HCN1: variants seen among roughly 807,000 people sequenced by gnomAD.
HCN1 encodes potassium/sodium hyperpolarization-activated cyclic nucleotide-gated channel 1.
HCN1 carries 13 observed loss-of-function variants against 78.9 expected under a neutral mutation model. The observed-to-expected ratio is 0.16, with a 90% confidence interval of 0.11 to 0.26. The LOEUF is 0.26. Among genes scored for constraint, HCN1 ranks in the 10% least tolerant of loss-of-function variants. HCN1 has a pLI of 1.00. For synonymous variants in HCN1, 552 were observed against 455.5 expected (o/e 1.21, Z -2.70); for missense variants, 810 against 1,154.3 (o/e 0.70, Z 4.32).
intron 2 of HCN1, among the ~76,000 whole-genome samples, chr5:45,592,672 T>C (rs557169659): frequency 1.3e-5 from 2 of 152,312 alleles, no homozygotes; most frequent in South Asian, 2.1e-4. Flanking sequence ...TATGAACTTA[T>C]GTAAAGAAAT....
chr5:45,284,944 T>A (rs1436922806), intron 6 of HCN1, among the ~76,000 whole-genome samples: 1 of 152,084 alleles, frequency 6.6e-6, no homozygotes, highest in African/African-American at 2.4e-5. Context: ...AGGTCAATTC[T>A]ATTAAACTCT....
intron 1 of HCN1, among the ~76,000 whole-genome samples, chr5:45,678,015 T>C (rs111331047): frequency 0.048 from 4,972 of 103,752 alleles, 266 homozygotes; most frequent in African/African-American, 0.17. Context: ...CACACACACA[T>C]ACACACACAC....
intron 2 of HCN1, among the ~76,000 whole-genome samples, chr5:45,474,180 G>A (rs1051694293): frequency 8.6e-5 from 13 of 151,718 alleles, no homozygotes; most frequent in South Asian, 2.1e-4. Flanking sequence ...CTTTAATGAA[G>A]CAAAATTTCT....
At chr5:45,321,806 A>T (rs1351574239) in intron 5 of HCN1, among the ~76,000 whole-genome samples, 1 of 151,850 alleles carries the variant, frequency 6.6e-6, no homozygotes, top group South Asian at 2.1e-4. Context: ...CTTGCATTTT[A>T]TTGCATATGA....
At chr5:45,499,269 C>G (rs969639920) in intron 2 of HCN1, among the ~76,000 whole-genome samples, 1 of 152,156 alleles carries the variant, frequency 6.6e-6, no homozygotes, top group Non-Finnish European at 1.5e-5. Context: ...CTCCAAGCCA[C>G]GTGCAGGATA....
chr5:45,486,423 G>C (rs1741763984), intron 2 of HCN1, among the ~76,000 whole-genome samples: 2 of 151,994 alleles, frequency 1.3e-5, no homozygotes, highest in Admixed American at 1.3e-4. Flanking sequence ...TACCCAACAT[G>C]ACATGGATAA....
intron 2 of HCN1, among the ~76,000 whole-genome samples, chr5:45,530,141 C>T (rs888651797): frequency 1.5e-4 from 23 of 152,008 alleles, no homozygotes; most frequent in East Asian, 3.9e-4. Context: ...CCAGTGATTA[C>T]GGAATCTGTA....
chr5:45,408,900 A>G (rs1739976661), intron 3 of HCN1, among the ~76,000 whole-genome samples: 1 of 152,128 alleles, frequency 6.6e-6, no homozygotes, highest in South Asian at 2.1e-4. Context: ...GTAGCTGCCT[A>G]ATGCATTAAA....
chr5:45,571,233 C>T (rs561749122), intron 2 of HCN1, among the ~76,000 whole-genome samples: 16 of 152,208 alleles, frequency 1.1e-4, no homozygotes, highest in Non-Finnish European at 1.9e-4. Flanking sequence ...ATGTGATTCA[C>T]GTAAATCCAG....
intron 2 of HCN1, among the ~76,000 whole-genome samples, chr5:45,566,200 T>G (rs1312244857): frequency 6.6e-6 from 1 of 152,160 alleles, no homozygotes; most frequent in Non-Finnish European, 1.5e-5. Context: ...CCACCTTAAT[T>G]ATATGCATAT....
At chr5:45,449,041 G>A (rs1740855162) in intron 3 of HCN1, among the ~76,000 whole-genome samples, 1 of 152,178 alleles carries the variant, frequency 6.6e-6, no homozygotes, top group Admixed American at 6.5e-5. Flanking sequence ...TTGAGCCCAC[G>A]AGGTTGCAGT....
intron 5 of HCN1, among the ~76,000 whole-genome samples, chr5:45,352,239 A>T (rs1475629505): frequency 6.6e-6 from 1 of 152,070 alleles, no homozygotes; most frequent in Non-Finnish European, 1.5e-5. Context: ...CATGGATGAA[A>T]TTGGAAATCA....
intron 4 of HCN1, among the ~76,000 whole-genome samples, chr5:45,381,851 TA>T (rs1473457435): frequency 6.6e-6 from 1 of 152,132 alleles, no homozygotes; most frequent in Non-Finnish European, 1.5e-5. Flanking sequence ...TTTTCAAAAC[TA>T]AAAACAAATC....
rs1384555659 is a variant in HCN1 at position 45,260,264 on chromosome 5, T to C, written c.*1657A>G. 2 of 152,216 alleles carry C rather than the reference T, an allele frequency of 1.3e-5. No individual in the cohort carries two copies. The highest frequency in any genetic ancestry group is 2.9e-5 in the Non-Finnish European group (2 of 68,032). 9.4% of individuals were successfully genotyped at this position (152,216 alleles called of 1,614,324 possible). ...TCCACTTTAAGTCATGCTCTTAACTTGGGTTATTTACCGCAGCCAGTTGTT... is the reference window on the plus strand; with the variant it reads ...TCCACTTTAAGTCATGCTCTTAACTCGGGTTATTTACCGCAGCCAGTTGTT... On this transcript the variant is annotated 3_prime_UTR_variant, in exon 8 of 8. Transcript: ENST00000303230.
chr5:45,451,927 A>G (rs944212690), intron 3 of HCN1, among the ~76,000 whole-genome samples: 1 of 152,046 alleles, frequency 6.6e-6, no homozygotes, highest in Non-Finnish European at 1.5e-5. Flanking sequence ...CTCTAAATAC[A>G]CATCATTTGC....
intron 4 of HCN1, among the ~76,000 whole-genome samples, chr5:45,385,288 G>A (rs1747889337): frequency 6.6e-6 from 1 of 151,740 alleles, no homozygotes; most frequent in Non-Finnish European, 1.5e-5. Context: ...CTCATAGGAG[G>A]GATTACCACT....
At chr5:45,453,324 C>G (rs1289239535) in intron 3 of HCN1, among the ~76,000 whole-genome samples, 1 of 152,004 alleles carries the variant, frequency 6.6e-6, no homozygotes, top group Non-Finnish European at 1.5e-5. Flanking sequence ...CAATCTGCAT[C>G]AATTCAAAAC....
At chr5:45,387,981 C>T (rs1747961730) in intron 4 of HCN1, among the ~76,000 whole-genome samples, 1 of 151,986 alleles carries the variant, frequency 6.6e-6, no homozygotes, top group Non-Finnish European at 1.5e-5. Context: ...ATTTTTGGAC[C>T]ATGATTTACC....
intron 4 of HCN1, among the ~76,000 whole-genome samples, chr5:45,394,417 A>C (rs1030096460): frequency 1.1e-4 from 16 of 152,208 alleles, no homozygotes; most frequent in Non-Finnish European, 2.4e-4. Context: ...TAATTTAGCC[A>C]AAACTCAAAG....
Sources: allele counts gnomAD v4.1 joint callset (sites outside exome capture counted in the v4.1 genomes callset), GRCh38; gene constraint gnomAD v4.1.1; transcripts MANE v1.5; gene names NCBI Gene and HGNC (gene_info 2026-07-23, HGNC 2026-07-21).